CADPS2: variants seen among roughly 807,000 people sequenced by gnomAD.
CADPS2 encodes calcium dependent secretion activator 2.
In CADPS2, 93 loss-of-function variants were observed where a neutral mutation model predicts 172.5. That is an observed-to-expected ratio of 0.54 (90% CI 0.46 to 0.64). The LOEUF is 0.64. CADPS2 is among the 30% of genes least tolerant of loss of function. The pLI, the probability that CADPS2 is intolerant of heterozygous loss-of-function variation, is 0.00. For synonymous variants in CADPS2, 546 were observed against 555.2 expected, an observed-to-expected ratio of 0.98 and a Z score of 0.23; for missense variants, 1,420 against 1,565.9, an observed-to-expected ratio of 0.91 and a Z score of 1.57.
chr7:122,621,575 A>C lies in CADPS2; in HGVS notation c.1010T>G (p.Leu337Ter). 1 of 1,613,806 alleles carries C rather than the reference A, an allele frequency of 6.2e-7. No homozygotes were observed. Among genetic ancestry groups the C allele is most frequent in the Non-Finnish European group, 8.5e-7 (1 of 1,179,794 alleles). ...AAATGCAGAGTTCTGTGAACGTTTT[A>C]ATTTTTGTAATTTAAATTCCGGACC... ...KGGPEFKLQKLKRSQNSAFLD... is the reference protein window; with the variant it reads ...KGGPEFKLQK Residue 337 changes from leucine to a stop codon, truncating the protein, a stop_gained, in exon 5 of 30, where the codon TTA becomes TGA. Coordinates refer to ENST00000449022, the MANE Select transcript of CADPS2 (RefSeq NM_017954.11). LOFTEE classifies it high-confidence loss of function.
At chr7:122,690,827 TGCCCA>T (rs1290564676) in intron 2 of CADPS2, among the ~76,000 whole-genome samples, 1 of 152,208 alleles carries the variant, frequency 6.6e-6, no homozygotes, top group Non-Finnish European at 1.5e-5. Flanking sequence ...TTAGCTACTT[TGCCCA>T]CACTTGGTAT....
At chr7:122,433,725 G>T (rs1039069917) in intron 17 of CADPS2, among the ~76,000 whole-genome samples, 4 of 152,102 alleles carry the variant, frequency 2.6e-5, no homozygotes, top group Non-Finnish European at 5.9e-5. Flanking sequence ...TTCTAAACAA[G>T]CATTTCATTT....
intron 2 of CADPS2, chr7:122,698,925 C>A: frequency 6.4e-7 from 1 of 1,552,114 alleles, no homozygotes; most frequent in South Asian, 1.3e-5. Flanking sequence ...GCATCTCTCT[C>A]TTCTCCGAGT....
At chr7:122,537,891 CAA>C (rs1224252298) in intron 8 of CADPS2, among the ~76,000 whole-genome samples, 8 of 151,092 alleles carry the variant, frequency 5.3e-5, no homozygotes, top group Admixed American at 4.0e-4. Flanking sequence ...GATAAAAACG[CAA>C]GAGAAGATTT....
At chr7:122,546,851 T>C (rs944203638) in intron 8 of CADPS2, among the ~76,000 whole-genome samples, 1 of 152,112 alleles carries the variant, frequency 6.6e-6, no homozygotes, top group Non-Finnish European at 1.5e-5. Flanking sequence ...TCCTTGTATA[T>C]TTCTCCTCAT....
At chr7:122,386,077 G>A (rs912382430) in intron 24 of CADPS2, among the ~76,000 whole-genome samples, 8 of 151,854 alleles carry the variant, frequency 5.3e-5, no homozygotes, top group South Asian at 2.1e-4. Context: ...CATTTCCCTC[G>A]TCATTATTTA....
At chr7:122,327,416 A>C (rs1210012937) in intron 28 of CADPS2, among the ~76,000 whole-genome samples, 1 of 152,078 alleles carries the variant, frequency 6.6e-6, no homozygotes, top group Non-Finnish European at 1.5e-5. Flanking sequence ...AATTACAGTT[A>C]TTTTGCAAGG....
intron 27 of CADPS2, among the ~76,000 whole-genome samples, chr7:122,352,144 A>G (rs1554451733): frequency 6.6e-6 from 1 of 152,202 alleles, no homozygotes; most frequent in Non-Finnish European, 1.5e-5. Context: ...TTAGAGGAAT[A>G]GCTGCTAATA....
chr7:122,463,538 A>C (rs924657304), intron 14 of CADPS2, among the ~76,000 whole-genome samples: 9 of 152,182 alleles, frequency 5.9e-5, no homozygotes, highest in Non-Finnish European at 1.3e-4. Flanking sequence ...AATAGTACAT[A>C]AGACATTTCT....
chr7:122,713,845 C>T (rs66884888), intron 2 of CADPS2, among the ~76,000 whole-genome samples: 9,830 of 151,932 alleles, frequency 0.065, 361 homozygotes, highest in South Asian at 0.17. Context: ...AATGTACAGG[C>T]CAACTTTAAA....
intron 27 of CADPS2, among the ~76,000 whole-genome samples, chr7:122,349,085 G>GTT (rs5887085): frequency 2.3e-3 from 351 of 151,570 alleles, no homozygotes; most frequent in African/African-American, 5.8e-3. Flanking sequence ...TTTTTGTGGG[G>GTT]TTTTTTTTGG....
intron 25 of CADPS2, among the ~76,000 whole-genome samples, chr7:122,363,204 C>T (rs919837579): frequency 7.9e-5 from 12 of 152,174 alleles, no homozygotes; most frequent in Admixed American, 2.0e-4. Context: ...AAAGGGAATT[C>T]CAAACTTAAT....
At chr7:122,698,696 T>G in intron 2 of CADPS2, 3 of 1,613,684 alleles carry the variant, frequency 1.9e-6, no homozygotes, top group Non-Finnish European at 2.5e-6. Flanking sequence ...GGTGGCACTA[T>G]AACTCCTGCC....
At chr7:122,673,804 C>T (rs2082111673) in intron 2 of CADPS2, among the ~76,000 whole-genome samples, 2 of 151,874 alleles carry the variant, frequency 1.3e-5, no homozygotes, top group Non-Finnish European at 2.9e-5. Context: ...AGTCCCGCAC[C>T]GTGCACTGGC....
At chr7:122,542,423 G>A (rs2131649806) in intron 8 of CADPS2, among the ~76,000 whole-genome samples, 1 of 152,160 alleles carries the variant, frequency 6.6e-6, no homozygotes, top group African/African-American at 2.4e-5. Context: ...ACAACACATG[G>A]TTTTCTATAA....
At chr7:122,450,824 T>C (rs1473325238) in intron 15 of CADPS2, among the ~76,000 whole-genome samples, 1 of 152,132 alleles carries the variant, frequency 6.6e-6, no homozygotes, top group Admixed American at 6.6e-5. Context: ...CATGAGACTC[T>C]GTGACTGGCT....
At chr7:122,511,235 C>T (rs1380539883) in intron 9 of CADPS2, among the ~76,000 whole-genome samples, 4 of 151,842 alleles carry the variant, frequency 2.6e-5, no homozygotes, top group African/African-American at 7.3e-5. Flanking sequence ...TTAATCTTCC[C>T]CCAAAAACCT....
chr7:122,536,658 T>C (rs2062313972), intron 8 of CADPS2, among the ~76,000 whole-genome samples: 1 of 152,040 alleles, frequency 6.6e-6, no homozygotes, highest in East Asian at 1.9e-4. Context: ...GTGGGTCTTA[T>C]GGAAAACAAT....
intron 1 of CADPS2, among the ~76,000 whole-genome samples, chr7:122,796,178 A>T (rs1204393972): frequency 6.6e-6 from 1 of 152,248 alleles, no homozygotes; most frequent in Non-Finnish European, 1.5e-5. Flanking sequence ...CTCCACAAGG[A>T]TAACTACACA....
Sources: allele counts gnomAD v4.1 joint callset (sites outside exome capture counted in the v4.1 genomes callset), GRCh38; gene constraint gnomAD v4.1.1; transcripts MANE v1.5; gene names NCBI Gene and HGNC (gene_info 2026-07-23, HGNC 2026-07-21).